RHAG: variants seen among roughly 807,000 people sequenced by gnomAD.
RHAG encodes the protein ammonium transporter Rh type A.
In RHAG, 25 loss-of-function variants were observed where a neutral mutation model predicts 42.4. That is an observed-to-expected ratio of 0.59 (90% CI 0.43 to 0.82). RHAG has a LOEUF of 0.82. RHAG is among the 40% of genes least tolerant of loss of function. RHAG has a pLI of 0.00. For synonymous variants in RHAG, 182 were observed against 177.7 expected, an observed-to-expected ratio of 1.02 and a Z score of -0.19; for missense variants, 483 against 504.6, an observed-to-expected ratio of 0.96 and a Z score of 0.41.
Position 49,607,155 on chromosome 6 carries a change from A to C in RHAG, c.1133T>G (p.Met378Arg), listed in dbSNP as rs991400116. ...SIGTAVVGGL[M>R]TGLILKLPLW... is the part of the protein sequence containing the mutation. ...TGTTCACTTTTTATGCTGACCTGTCATCAGACCTCCAACAACTGCTGTTCC... is the reference window on the plus strand; with the variant it reads ...TGTTCACTTTTTATGCTGACCTGTCCTCAGACCTCCAACAACTGCTGTTCC... Residue 378 changes from methionine to arginine, a missense_variant, in exon 8 of 10, where the codon ATG (methionine) becomes AGG (arginine). Coordinates refer to ENST00000371175, the MANE Select transcript of RHAG (RefSeq NM_000324.3). The C allele has an allele frequency of 7.4e-6, 12 of 1,612,964 alleles. No homozygotes were observed. Among genetic ancestry groups the C allele is most frequent in the Non-Finnish European group, 1.0e-5 (12 of 1,179,212 alleles).
Position 49,605,780 on chromosome 6 carries a change from G to C in RHAG, c.*33C>G, listed in dbSNP as rs746159297. The C allele has an allele frequency of 6.2e-7, 1 of 1,607,048 alleles. No individual in the cohort carries two copies. The highest frequency in any genetic ancestry group is 8.5e-7 in the Non-Finnish European group (1 of 1,173,770). On this transcript the variant is annotated 3_prime_UTR_variant, in exon 10 of 10. Transcript: ENST00000371175. Reference sequence around the variant, plus strand: ...TTTAGACTTCAGGTTCCAGCTGGCTGTGGTCACCATGTCCATGGAACTGAT... The same window carrying C: ...TTTAGACTTCAGGTTCCAGCTGGCTCTGGTCACCATGTCCATGGAACTGAT...
intron 5 of RHAG, among the ~76,000 whole-genome samples, chr6:49,613,152 C>G (rs1243008804): frequency 6.6e-6 from 1 of 151,620 alleles, no homozygotes; most frequent in Admixed American, 6.6e-5. Context: ...TCACTGCAAC[C>G]TCCACCTCCT....
At chr6:49,624,859 C>T (rs1041264267) in intron 1 of RHAG, among the ~76,000 whole-genome samples, 5 of 152,164 alleles carry the variant, frequency 3.3e-5, no homozygotes, top group African/African-American at 9.7e-5. Context: ...AATATTTAGC[C>T]GTTTTCAAAT....
In RHAG at chr6:49,605,194, T is replaced by C. The variant is rs1774137864; in HGVS notation, c.*619A>G. On this transcript the variant is annotated 3_prime_UTR_variant, in exon 10 of 10. Transcript: ENST00000371175. ...CTGATGTTTTATTTTATAACAATATTTAATTATTGGACATTTTATGCAAAA... is the reference window on the plus strand; with the variant it reads ...CTGATGTTTTATTTTATAACAATATCTAATTATTGGACATTTTATGCAAAA... 1 of 154,934 alleles carries C rather than the reference T, an allele frequency of 6.5e-6. No individual in the cohort carries two copies. The highest frequency in any genetic ancestry group is 1.4e-5 in the Non-Finnish European group (1 of 69,680). 9.6% of individuals were successfully genotyped at this position (154,934 alleles called of 1,614,324 possible). A position where few individuals can be genotyped will look rare whatever the true frequency, so the allele number is the denominator to read the frequency against.
At chr6:49,612,161 AATTC>A (rs1762579299) in intron 6 of RHAG, among the ~76,000 whole-genome samples, 1 of 152,242 alleles carries the variant, frequency 6.6e-6, no homozygotes, top group Admixed American at 6.5e-5. Context: ...CTTAACATTT[AATTC>A]AAACTAAATT....
intron 9 of RHAG, among the ~76,000 whole-genome samples, chr6:49,606,162 A>G (rs1774160294): frequency 6.6e-6 from 1 of 152,158 alleles, no homozygotes; most frequent in South Asian, 2.1e-4. Flanking sequence ...ATGTTTCGTT[A>G]TTCATAGGAC....
intron 1 of RHAG, among the ~76,000 whole-genome samples, chr6:49,621,612 T>C (rs1431621312): frequency 6.6e-6 from 1 of 152,198 alleles, no homozygotes; most frequent in African/African-American, 2.4e-5. Flanking sequence ...TTTTGCTTTT[T>C]GAAGTAGAGA....
intron 1 of RHAG, among the ~76,000 whole-genome samples, chr6:49,634,206 C>T (rs1480653409): frequency 6.6e-6 from 1 of 152,076 alleles, no homozygotes; most frequent in African/African-American, 2.4e-5. Flanking sequence ...TACTGTACGA[C>T]AAACACTAGA....
intron 1 of RHAG, chr6:49,631,807 A>G (rs1762940585): frequency 6.6e-6 from 1 of 152,250 alleles, no homozygotes. Flanking sequence ...TTGTTAGGTC[A>G]TATATTACAG....
intron 1 of RHAG, among the ~76,000 whole-genome samples, chr6:49,627,457 C>A (rs985914361): frequency 1.3e-5 from 2 of 152,180 alleles, no homozygotes; most frequent in African/African-American, 4.8e-5. Flanking sequence ...TCTCAAGGAA[C>A]TTCCAAACTT....
At chr6:49,614,508 A>G (rs1223393712) in intron 5 of RHAG, among the ~76,000 whole-genome samples, 179 bp downstream of exon 5, 1 of 152,082 alleles carries the variant, frequency 6.6e-6, no homozygotes, top group Non-Finnish European at 1.5e-5. Flanking sequence ...AGCCCAGGGT[A>G]CAGATTTGAT....
Position 49,611,115 on chromosome 6 carries a change from C to G in RHAG, c.976G>C (p.Asp326His). Residue 326 changes from aspartate (D) to histidine (H), a missense_variant, in exon 7 of 10, where the codon GAT becomes CAT. Physicochemically the swap from Asp to His is moderately conservative, Grantham distance 81. Coordinates refer to ENST00000371175, the MANE Select transcript of RHAG (RefSeq NM_000324.3). The part of the protein sequence containing the change: ...PLFTTKLRIH[D>H]TCGVHNLHGL... ...TGGAGGTTATGGACCCCACATGTAT[C>G]ATGGATCCTCAGTTTAGTAGTAAAA... is the stretch of plus-strand genomic sequence containing the variant. The G allele has an allele frequency of 6.2e-7, 1 of 1,613,632 alleles. No individual in the cohort carries two copies. The highest frequency in any genetic ancestry group is 8.5e-7 in the Non-Finnish European group (1 of 1,179,728).
intron 6 of RHAG, among the ~76,000 whole-genome samples, chr6:49,611,487 G>T (rs534624744): frequency 6.6e-6 from 1 of 151,964 alleles, no homozygotes; most frequent in African/African-American, 2.4e-5. Flanking sequence ...GTGCATTAGC[G>T]CTCTAGGCAT....
chr6:49,622,820 GA>G (rs1762783414), intron 1 of RHAG, among the ~76,000 whole-genome samples: 1 of 149,348 alleles, frequency 6.7e-6, no homozygotes, highest in Non-Finnish European at 1.5e-5. Context: ...CCCTTTGATG[GA>G]AAACCAGACT....
intron 7 of RHAG, among the ~76,000 whole-genome samples, chr6:49,610,657 G>A (rs1026471067): frequency 6.6e-5 from 10 of 152,040 alleles, no homozygotes; most frequent in African/African-American, 2.4e-4. Flanking sequence ...TGTGTGGATT[G>A]GATGGAACTG....
chr6:49,614,544 T>C, intron 5 of RHAG, 143 bp downstream of exon 5: 2 of 812,234 alleles, frequency 2.5e-6, no homozygotes, highest in Non-Finnish European at 4.3e-6. Context: ...TGAATAAATG[T>C]TGTTGTTTTT....
chr6:49,631,585 G>A (rs1259458364), intron 1 of RHAG, among the ~76,000 whole-genome samples: 2 of 152,052 alleles, frequency 1.3e-5, no homozygotes, highest in African/African-American at 2.4e-5. Flanking sequence ...TTTTCACATG[G>A]CCCTGTTAGT....
intron 7 of RHAG, among the ~76,000 whole-genome samples, chr6:49,608,375 A>G (rs931811206): frequency 1.3e-5 from 2 of 152,190 alleles, no homozygotes; most frequent in African/African-American, 4.8e-5. Flanking sequence ...TATTAGTAAA[A>G]GGCTACATAT....
rs770407725 is a variant in RHAG, at chr6:49,615,745, C to T, written c.519G>A (p.Thr173=). Residue 173 remains threonine (T), a synonymous_variant, in exon 4 of 10, where the codon ACG becomes ACA. Transcript: ENST00000371175. ...FKASDIGASM[T]IHAFGAYFGL... The stretch of plus-strand genomic sequence containing the variant: ...CAAAGTAGGCCCCAAAGGCATGGAT[C>T]GTCATTGATGCTCCAATGTCAGAGG... 14 of 1,613,992 alleles carry T rather than the reference C, an allele frequency of 8.7e-6. No homozygotes were observed. Among genetic ancestry groups the T allele is most frequent in the South Asian group, 6.6e-5 (6 of 91,072 alleles).
Sources: gnomAD v4.1 joint callset for allele counts (sites outside exome capture counted in the v4.1 genomes callset) on GRCh38, gnomAD v4.1.1 for gene constraint, MANE v1.5 for transcripts, NCBI Gene and HGNC (gene_info 2026-07-23, HGNC 2026-07-21) for gene names.